ETV6: variants seen among roughly 807,000 people sequenced by gnomAD.
ETV6 encodes transcription factor ETV6.
Under a neutral mutation model 51.1 loss-of-function variants are expected in ETV6, and 16 were observed. The observed-to-expected ratio is 0.31, with a 90% CI of 0.21 to 0.48. ETV6 has a LOEUF of 0.48. Ranked by LOEUF, ETV6 falls within the 20% of genes least tolerant of loss-of-function variation. ETV6 has a pLI of 0.99. For missense variants in ETV6, 458 were observed against 594.8 expected (o/e 0.77, Z 2.39); for synonymous variants, 240 against 224.1 (o/e 1.07, Z -0.64).
intron 2 of ETV6, among the ~76,000 whole-genome samples, chr12:11,817,525 C>T (rs1946010843): frequency 6.6e-6 from 1 of 152,202 alleles, no homozygotes; most frequent in Non-Finnish European, 1.5e-5. Flanking sequence ...GAACTTATAA[C>T]TCTATGGAGT....
intron 1 of ETV6, among the ~76,000 whole-genome samples, chr12:11,693,733 C>G (rs539186026): frequency 6.6e-6 from 1 of 152,344 alleles, no homozygotes; most frequent in South Asian, 2.1e-4. Flanking sequence ...TGCACTATCT[C>G]TGTCCCCAGC....
intron 5 of ETV6, among the ~76,000 whole-genome samples, chr12:11,871,016 G>T (rs940452834): frequency 3.3e-5 from 5 of 152,108 alleles, no homozygotes; most frequent in African/African-American, 1.2e-4. Flanking sequence ...TCGATAGTGG[G>T]AAGGAGGCCT....
At chr12:11,740,378 C>G (rs1865787238) in intron 1 of ETV6, among the ~76,000 whole-genome samples, 1 of 152,192 alleles carries the variant, frequency 6.6e-6, no homozygotes, top group Non-Finnish European at 1.5e-5. Flanking sequence ...TTATAGATTT[C>G]AGTTGTTGGC....
intron 1 of ETV6, among the ~76,000 whole-genome samples, chr12:11,727,056 C>CTG (rs1865502854): frequency 6.6e-6 from 1 of 152,236 alleles, no homozygotes; most frequent in Non-Finnish European, 1.5e-5. Flanking sequence ...AGAGAAAGGG[C>CTG]ACGCACAGTG....
intron 1 of ETV6, among the ~76,000 whole-genome samples, chr12:11,688,061 GC>G (rs1432289744): frequency 1.3e-5 from 2 of 152,054 alleles, no homozygotes; most frequent in African/African-American, 2.4e-5. Context: ...TAGCTAACAG[GC>G]CCAGGGTCCC....
At chr12:11,860,236 A>T (rs1453814480) in intron 4 of ETV6, among the ~76,000 whole-genome samples, 2 of 152,156 alleles carry the variant, frequency 1.3e-5, no homozygotes, top group Non-Finnish European at 2.9e-5. Context: ...AACCCACTCG[A>T]TTCTCTAGTC....
At chr12:11,764,677 C>A (rs535714869) in intron 2 of ETV6, among the ~76,000 whole-genome samples, 1 of 152,048 alleles carries the variant, frequency 6.6e-6, no homozygotes, top group Admixed American at 6.6e-5. Flanking sequence ...AAATCTTGAC[C>A]CTTGGGGAAG....
intron 2 of ETV6, among the ~76,000 whole-genome samples, chr12:11,831,599 G>C (rs1255946920): frequency 1.3e-5 from 2 of 152,164 alleles, no homozygotes; most frequent in Non-Finnish European, 2.9e-5. Flanking sequence ...AAAAGGAAAA[G>C]GAGACAGGGA....
At chr12:11,800,615 G>A (rs907738710) in intron 2 of ETV6, among the ~76,000 whole-genome samples, 33 of 152,152 alleles carry the variant, frequency 2.2e-4, no homozygotes, top group African/African-American at 7.5e-4. Flanking sequence ...ACATGTAAGC[G>A]AGATCGTGTA....
chr12:11,754,921 C>T (rs1267371372), intron 2 of ETV6, among the ~76,000 whole-genome samples: 5 of 152,326 alleles, frequency 3.3e-5, no homozygotes, highest in African/African-American at 9.6e-5. Context: ...TTTCTATCTC[C>T]ATGTCACACA....
chr12:11,713,755 C>T (rs1391067454), intron 1 of ETV6, among the ~76,000 whole-genome samples: 1 of 152,184 alleles, frequency 6.6e-6, no homozygotes, highest in Admixed American at 6.5e-5. Flanking sequence ...TACATCCTCC[C>T]ACTAGGACAG....
At chr12:11,807,826 ATG>A (rs1420216955) in intron 2 of ETV6, among the ~76,000 whole-genome samples, 1 of 152,220 alleles carries the variant, frequency 6.6e-6, no homozygotes, top group Admixed American at 6.5e-5. Context: ...GGAAAAAAGA[ATG>A]TAGGTGGTAT....
chr12:11,716,681 T>G (rs1865286328), intron 1 of ETV6: 1 of 152,246 alleles, frequency 6.6e-6, no homozygotes, highest in Admixed American at 6.5e-5. Flanking sequence ...AATAAGGGAC[T>G]CAAACAAGAG....
chr12:11,650,574 G>T (rs1453042938), intron 1 of ETV6, among the ~76,000 whole-genome samples: 2 of 150,740 alleles, frequency 1.3e-5, no homozygotes, highest in South Asian at 4.2e-4. Context: ...TTCCCGAGGG[G>T]TGGTCGTCTT....
At chr12:11,774,360 T>A (rs1436399571) in intron 2 of ETV6, among the ~76,000 whole-genome samples, 1 of 151,852 alleles carries the variant, frequency 6.6e-6, no homozygotes, top group Non-Finnish European at 1.5e-5. Flanking sequence ...CGCAAGAGAG[T>A]CTGCAGTTAG....
chr12:11,889,024 T>C (rs1591753533), intron 7 of ETV6, among the ~76,000 whole-genome samples: 2 of 152,056 alleles, frequency 1.3e-5, no homozygotes, highest in African/African-American at 4.8e-5. Context: ...TATCATTCTA[T>C]ATTAAACCTT....
At chr12:11,835,284 T>C (rs982869447) in intron 2 of ETV6, among the ~76,000 whole-genome samples, 4 of 152,388 alleles carry the variant, frequency 2.6e-5, no homozygotes, top group Admixed American at 1.3e-4. Flanking sequence ...TCTTAGTAAA[T>C]GGCCCTCAAG....
intron 1 of ETV6, among the ~76,000 whole-genome samples, chr12:11,729,780 T>TA: frequency 6.6e-6 from 1 of 152,348 alleles, no homozygotes; most frequent in Non-Finnish European, 1.5e-5. Context: ...ACCGTATCTT[T>TA]AAAAAATTTT....
chr12:11,733,401 C>G (rs1475419760), intron 1 of ETV6, among the ~76,000 whole-genome samples: 7 of 100,036 alleles, frequency 7.0e-5, no homozygotes, highest in African/African-American at 2.8e-4. Context: ...GAGCGAGACT[C>G]CATCTCAAAA....
Sources: gnomAD v4.1 joint callset for allele counts (sites outside exome capture counted in the v4.1 genomes callset) on GRCh38, gnomAD v4.1.1 for gene constraint, MANE v1.5 for transcripts, NCBI Gene and HGNC (gene_info 2026-07-23, HGNC 2026-07-21) for gene names.